STARD9: variants seen among roughly 807,000 people sequenced by gnomAD.
The protein encoded by STARD9 is stAR-related lipid transfer protein 9.
Under a neutral mutation model 399.8 loss-of-function variants are expected in STARD9, and 346 were observed. The observed-to-expected ratio is 0.87, with a 90% confidence interval of 0.79 to 0.95. STARD9 has a LOEUF of 0.95. Among genes scored for constraint, STARD9 ranks in the 40% least tolerant of loss-of-function variants. The pLI, the probability that STARD9 is intolerant of heterozygous loss-of-function variation, is 0.00. For missense variants in STARD9, 5,832 were observed against 5,667.5 expected (o/e 1.03, Z -0.93); for synonymous variants, 2,203 against 2,143.5 (o/e 1.03, Z -0.77).
chr15:42,684,311 C>T lies in STARD9; in HGVS notation c.2733C>T (p.Ala911=), dbSNP rs773558054. 5 of 1,536,784 alleles carry T rather than the reference C, an allele frequency of 3.3e-6. No homozygotes were observed. The South Asian group carries it at 4.8e-5, about 15-fold the overall frequency. The change falls in exon 23 of 33, where the codon GCC becomes GCT. Residue 911 remains alanine, a synonymous_variant. Coordinates refer to ENST00000290607, the MANE Select transcript of STARD9 (RefSeq NM_020759.3). Reference sequence around the variant, plus strand: ...CCTGCACAGCCAGAGCAGCCTTGGCCAGGAAGGGAGCCTCAGCTCCAGACG... The same window carrying T: ...CCTGCACAGCCAGAGCAGCCTTGGCTAGGAAGGGAGCCTCAGCTCCAGACG... ...GQPCTARAAL[A]RKGASAPDAC... is the part of the protein sequence containing the mutation.
intron 22 of STARD9, among the ~76,000 whole-genome samples, chr15:42,683,302 CAT>C (rs1340014738): frequency 6.6e-6 from 1 of 152,208 alleles, no homozygotes; most frequent in African/African-American, 2.4e-5. Flanking sequence ...AAATTTTAAA[CAT>C]ATGCCAAGTT....
chr15:42,641,793 G>A (rs1166485737), intron 7 of STARD9, among the ~76,000 whole-genome samples: 4 of 151,616 alleles, frequency 2.6e-5, no homozygotes, highest in Non-Finnish European at 5.9e-5. Context: ...TAGTAGAGAT[G>A]GGGTTTCTTC....
intron 3 of STARD9, among the ~76,000 whole-genome samples, chr15:42,616,649 TG>T (rs950595442): frequency 6.6e-6 from 1 of 151,974 alleles, no homozygotes; most frequent in African/African-American, 2.4e-5. Flanking sequence ...CCCAGCACTT[TG>T]GGGGGCTGAG....
chr15:42,604,530 C>T (rs2058691817), intron 3 of STARD9, among the ~76,000 whole-genome samples: 1 of 150,708 alleles, frequency 6.6e-6, no homozygotes, highest in South Asian at 2.1e-4. Context: ...ATATTTTAAC[C>T]AAGGATTTGA....
chr15:42,638,465 C>T (rs1481763015), intron 6 of STARD9, among the ~76,000 whole-genome samples: 1 of 152,038 alleles, frequency 6.6e-6, no homozygotes, highest in African/African-American at 2.4e-5. Flanking sequence ...AAGATTGTGC[C>T]ACTGCACTCC....
At chr15:42,581,883 G>T (rs2141655223) in intron 1 of STARD9, among the ~76,000 whole-genome samples, 1 of 152,318 alleles carries the variant, frequency 6.6e-6, no homozygotes, top group East Asian at 1.9e-4. Flanking sequence ...AGGCAGTGTG[G>T]CTTATGCCTG....
chr15:42,590,256 C>G (rs1280700857), intron 3 of STARD9, among the ~76,000 whole-genome samples: 2 of 152,140 alleles, frequency 1.3e-5, no homozygotes, highest in African/African-American at 4.8e-5. Flanking sequence ...AGCCACCACA[C>G]CTGACCTTGA....
chr15:42,684,173 C>G lies in STARD9; in HGVS notation c.2595C>G (p.His865Gln). Residue 865 changes from histidine (H) to glutamine (Q), a missense_variant, in exon 23 of 33, where the codon CAC (histidine) becomes CAG (glutamine). Around this residue, in one of 2 missense-constraint regions of STARD9, gnomAD observed 5,828 missense variants for 5,651.1 expected, o/e 1.03. Transcript: ENST00000290607. ...TTLPPRPDPT[H>Q]QTSEKTSSEE... ...TGCCACCTAGGCCTGACCCTACACA[C>G]CAAACATCAGAGAAAACATCATCAG... is the stretch of plus-strand genomic sequence containing the variant. 1.3e-6 allele frequency: 2 copies of G among 1,537,202 alleles called. No individual in the cohort carries two copies. The highest frequency in any genetic ancestry group is 1.7e-6 in the Non-Finnish European group (2 of 1,146,844).
At chr15:42,660,147 A>G (rs1402243439) in intron 9 of STARD9, among the ~76,000 whole-genome samples, 1 of 152,230 alleles carries the variant, frequency 6.6e-6, no homozygotes, top group Non-Finnish European at 1.5e-5. Flanking sequence ...AGGTAGACTT[A>G]CAGACATAGA....
intron 3 of STARD9, among the ~76,000 whole-genome samples, chr15:42,619,107 A>G (rs1268046277): frequency 6.6e-6 from 1 of 152,134 alleles, no homozygotes; most frequent in Non-Finnish European, 1.5e-5. Flanking sequence ...ATTTAAATTT[A>G]CATATGGTAA....
At position 42,690,469 on chromosome 15, in the gene STARD9, C is replaced by T. The variant is rs1370928951; in HGVS notation, c.8891C>T (p.Thr2964Ile). The change falls in exon 23 of 33, where the codon ACT (threonine) becomes ATT (isoleucine). Residue 2964 changes from threonine (T) to isoleucine (I), a missense_variant. This residue lies in a region of STARD9 where 5,828 missense variants were observed against 5,651.1 expected (regional missense o/e 1.03). Coordinates refer to ENST00000290607, the MANE Select transcript of STARD9 (RefSeq NM_020759.3). Reference sequence around the variant, plus strand: ...CCATGCAGTTCTCAACCTGTTGCTACTCATGCTTATTCCTCCCATTCCTCT... The same window carrying T: ...CCATGCAGTTCTCAACCTGTTGCTATTCATGCTTATTCCTCCCATTCCTCT... Reference protein sequence around the residue: ...RQPCSSQPVATHAYSSHSSTL... With the variant: ...RQPCSSQPVAIHAYSSHSSTL... 5 of 1,537,142 alleles carry T rather than the reference C, an allele frequency of 3.3e-6. No individual in the cohort carries two copies. The highest frequency in any genetic ancestry group is 1.7e-6 in the Non-Finnish European group (2 of 1,146,918).
Position 42,685,511 on chromosome 15 carries a change from G to A in STARD9, c.3933G>A (p.Glu1311=), listed in dbSNP as rs1303330842. ...GTGAGCAGGCTGAATCACAGGTAGAGCCAAGCTACTCTGAACAAGCCGACT... is the reference window on the plus strand; with the variant it reads ...GTGAGCAGGCTGAATCACAGGTAGAACCAAGCTACTCTGAACAAGCCGACT... ...PHCEQAESQV[E]PSYSEQADSL... Residue 1311 remains glutamate, a synonymous_variant, in exon 23 of 33, where the codon GAG becomes GAA. Coordinates refer to ENST00000290607, the MANE Select transcript of STARD9 (RefSeq NM_020759.3). 58 of 1,537,050 alleles carry A rather than the reference G, an allele frequency of 3.8e-5. No individual in the cohort carries two copies. The highest frequency in any genetic ancestry group is 1.7e-4 in the Middle Eastern group (1 of 6,014).
At chr15:42,576,302 G>A (rs778788444) in intron 1 of STARD9, among the ~76,000 whole-genome samples, 1 of 152,170 alleles carries the variant, frequency 6.6e-6, no homozygotes, top group African/African-American at 2.4e-5. Context: ...TTAAGTAGGG[G>A]AAGTTGTTCC....
In STARD9 at chr15:42,661,158, G is replaced by C; in HGVS notation, c.703G>C (p.Ala235Pro). The C allele has an allele frequency of 1.3e-6, 2 of 1,535,336 alleles. No homozygotes were observed. Among genetic ancestry groups the C allele is most frequent in the Non-Finnish European group, 1.7e-6 (2 of 1,145,282 alleles). Residue 235 changes from alanine (A) to proline (P), a missense_variant and splice_region_variant, in exon 10 of 33, where the codon GCA becomes CCA. Transcript: ENST00000290607. The part of the protein sequence containing the change: ...HAIFTIHYTQ[A>P]ILENNLPSEM... ...AGGCTTTAAATGTTTTCTCCTCTAG[G>C]CAATCCTGGAGAACAACCTCCCTTC... is the stretch of plus-strand genomic sequence containing the variant.
chr15:42,699,793 G>A (rs903106810), intron 26 of STARD9, among the ~76,000 whole-genome samples: 3 of 152,044 alleles, frequency 2.0e-5, no homozygotes, highest in Admixed American at 6.5e-5. Flanking sequence ...TGCAACCTCC[G>A]TCTCCCGGGT....
At chr15:42,584,319 A>G (rs987374228) in intron 2 of STARD9, among the ~76,000 whole-genome samples, 6 of 152,256 alleles carry the variant, frequency 3.9e-5, no homozygotes, top group Admixed American at 1.3e-4. Flanking sequence ...CAGACTTTCA[A>G]CGGGGCTCCC....
At chr15:42,662,768 T>A in intron 10 of STARD9, 26 bp from the exon 11 acceptor site, 1 of 1,493,030 alleles carries the variant, frequency 6.7e-7, no homozygotes, top group Non-Finnish European at 9.0e-7. Flanking sequence ...TGCTTTTGTT[T>A]TTGTTTTTCA....
chr15:42,688,399 A>G lies in STARD9; in HGVS notation c.6821A>G (p.Lys2274Arg). The G allele has an allele frequency of 6.5e-7, 1 of 1,537,582 alleles. No individual in the cohort carries two copies. Among genetic ancestry groups the G allele is most frequent in the Non-Finnish European group, 8.7e-7 (1 of 1,146,998 alleles). Reference sequence around the variant, plus strand: ...CAAGAAGAGCCAAAAGCTCAAGGTAAAGTTGAAGAAATGCCTATGCAAAGG... The same window carrying G: ...CAAGAAGAGCCAAAAGCTCAAGGTAGAGTTGAAGAAATGCCTATGCAAAGG... ...SNQEEPKAQG[K>R]VEEMPMQRGG... The change falls in exon 23 of 33, where the codon AAA (lysine) becomes AGA (arginine). Residue 2274 changes from lysine to arginine, a missense_variant. Transcript: ENST00000290607.
Position 42,684,613 on chromosome 15 carries a change from C to G in STARD9, c.3035C>G (p.Pro1012Arg). The change falls in exon 23 of 33, where the codon CCT (proline) becomes CGT (arginine). Residue 1012 changes from proline (P) to arginine (R), a missense_variant. Transcript: ENST00000290607. ...GGAGCCAGTTGCAATTCCTTGTATC[C>G]TCATGGACCCAGGCAGACTGCTGGG... is the stretch of plus-strand genomic sequence containing the variant. ...AKGASCNSLYPHGPRQTAGHG... is the reference protein window; with the variant it reads ...AKGASCNSLYRHGPRQTAGHG... 1 of 1,537,228 alleles carries G rather than the reference C, an allele frequency of 6.5e-7. No individual in the cohort carries two copies. Among genetic ancestry groups the G allele is most frequent in the Admixed American group, 2.0e-5 (1 of 50,992 alleles).
Sources: allele counts gnomAD v4.1 joint callset (sites outside exome capture counted in the v4.1 genomes callset), GRCh38; gene constraint gnomAD v4.1.1; regional missense constraint gnomAD v4.1.1; transcripts MANE v1.5; gene names NCBI Gene and HGNC (gene_info 2026-07-23, HGNC 2026-07-21).